The following SLC12A8 variants were observed in gnomAD, a reference collection of about 807,000 sequenced individuals.
The protein encoded by SLC12A8 is cation-chloride cotransporter 9.
In SLC12A8, 69 loss-of-function variants were observed where a neutral mutation model predicts 75.6. The ratio of observed to expected loss-of-function variants is 0.91; its 90% CI spans 0.75 to 1.11. SLC12A8 has a LOEUF of 1.11. Among genes scored for constraint, SLC12A8 ranks in the 50% most tolerant of loss-of-function variants. The pLI is 0.00. For synonymous variants in SLC12A8, 365 were observed against 372.8 expected, an observed-to-expected ratio of 0.98 and a Z score of 0.24; for missense variants, 877 against 896.7, an observed-to-expected ratio of 0.98 and a Z score of 0.28.
intron 5 of SLC12A8, among the ~76,000 whole-genome samples, chr3:125,150,460 C>T (rs991007583): frequency 6.6e-6 from 1 of 152,180 alleles, no homozygotes; most frequent in African/African-American, 2.4e-5. Context: ...ATCCCATATA[C>T]GTAGTAGTTT....
intron 6 of SLC12A8, 27 bp downstream of exon 6, chr3:125,135,642 A>G (rs765036177): frequency 1.4e-6 from 2 of 1,470,062 alleles, no homozygotes; most frequent in Non-Finnish European, 1.9e-6. Context: ...CTAATTTGAG[A>G]GTAAAAAAGA....
chr3:125,166,085 C>T (rs994102946), intron 5 of SLC12A8, among the ~76,000 whole-genome samples: 1 of 152,156 alleles, frequency 6.6e-6, no homozygotes, highest in Non-Finnish European at 1.5e-5. Flanking sequence ...CCAAGCGTTT[C>T]GCCCAGCCCA....
chr3:125,176,991 T>G (rs1018942425), intron 5 of SLC12A8, among the ~76,000 whole-genome samples: 2 of 151,870 alleles, frequency 1.3e-5, no homozygotes, highest in East Asian at 1.9e-4. Flanking sequence ...ACCCAAAGGA[T>G]TATAAATCAT....
intron 6 of SLC12A8, among the ~76,000 whole-genome samples, chr3:125,128,431 C>T (rs548406010): frequency 7.7e-4 from 114 of 148,582 alleles, no homozygotes; most frequent in African/African-American, 1.9e-3. Flanking sequence ...CCGCCCGCCT[C>T]GGCCTCCCAA....
intron 5 of SLC12A8, 83 bp from the exon 6 acceptor site, chr3:125,135,865 T>C: frequency 1.3e-6 from 1 of 771,598 alleles, no homozygotes; most frequent in Non-Finnish European, 2.1e-6. Context: ...CTATTTCATA[T>C]ATCGCTTTAA....
At chr3:125,212,477 G>A (rs753173041) in intron 1 of SLC12A8, among the ~76,000 whole-genome samples, 1 of 152,154 alleles carries the variant, frequency 6.6e-6, no homozygotes, top group African/African-American at 2.4e-5. Context: ...GGGCCACGCT[G>A]GGACCCGGGC....
At chr3:125,121,449 A>G (rs1264232295) in intron 6 of SLC12A8, among the ~76,000 whole-genome samples, 1 of 152,118 alleles carries the variant, frequency 6.6e-6, no homozygotes, top group African/African-American at 2.4e-5. Context: ...GTCAGGAAAG[A>G]CCCGTGGAGG....
intron 6 of SLC12A8, 87 bp downstream of exon 6, chr3:125,135,582 A>C: frequency 1.4e-6 from 1 of 720,836 alleles, no homozygotes; most frequent in Non-Finnish European, 2.2e-6. Context: ...TACCAAGAGT[A>C]CCTGCAGGCC....
chr3:125,151,983 T>C (rs1316018538), intron 5 of SLC12A8, among the ~76,000 whole-genome samples: 2 of 152,190 alleles, frequency 1.3e-5, no homozygotes, highest in African/African-American at 4.8e-5. Context: ...AAACTGACGC[T>C]TAGGTGATTT....
intron 1 of SLC12A8, among the ~76,000 whole-genome samples, chr3:125,211,782 G>T (rs1319861562): frequency 2.0e-5 from 3 of 152,192 alleles, no homozygotes; most frequent in African/African-American, 7.2e-5. Context: ...GCATCATGAC[G>T]CACTAGACCT....
At chr3:125,185,555 C>G (rs968244770) in intron 4 of SLC12A8, among the ~76,000 whole-genome samples, 2 of 152,076 alleles carry the variant, frequency 1.3e-5, no homozygotes, top group Admixed American at 6.5e-5. Flanking sequence ...AGAATTAACA[C>G]CAACCCTTCA....
chr3:125,141,887 G>T (rs1933649102), intron 5 of SLC12A8, among the ~76,000 whole-genome samples: 1 of 152,124 alleles, frequency 6.6e-6, no homozygotes, highest in Non-Finnish European at 1.5e-5. Context: ...GGCTCGGAGG[G>T]CGCAGGAAGA....
At chr3:125,119,088 A>AAG (rs1398554698) in intron 7 of SLC12A8, 2 of 382,828 alleles carry the variant, frequency 5.2e-6, no homozygotes, top group Admixed American at 4.1e-5. Flanking sequence ...TTTACTTTTA[A>AAG]ATATATATAA....
intron 2 of SLC12A8, among the ~76,000 whole-genome samples, chr3:125,208,489 A>G (rs1021883025): frequency 6.6e-6 from 1 of 152,204 alleles, no homozygotes; most frequent in Admixed American, 6.6e-5. Flanking sequence ...AATGCTGACC[A>G]GGAACCAAGC....
intron 5 of SLC12A8, among the ~76,000 whole-genome samples, chr3:125,142,484 G>A (rs1238167097): frequency 6.6e-6 from 1 of 152,146 alleles, no homozygotes; most frequent in Non-Finnish European, 1.5e-5. Flanking sequence ...ATCCTCCCTC[G>A]GCGTGAAGCA....
intron 2 of SLC12A8, among the ~76,000 whole-genome samples, chr3:125,207,027 C>T (rs1348454162): frequency 6.6e-6 from 1 of 152,134 alleles, no homozygotes; most frequent in African/African-American, 2.4e-5. Flanking sequence ...AGATACAAAC[C>T]ATGAGAGAGC....
chr3:125,169,623 T>C (rs1436455706), intron 5 of SLC12A8, among the ~76,000 whole-genome samples: 2 of 152,126 alleles, frequency 1.3e-5, no homozygotes, highest in Non-Finnish European at 2.9e-5. Flanking sequence ...TTTGCCCACC[T>C]CCACTCTGCT....
intron 5 of SLC12A8, among the ~76,000 whole-genome samples, chr3:125,150,385 C>T (rs1030032594): frequency 1.3e-5 from 2 of 152,084 alleles, no homozygotes; most frequent in East Asian, 1.9e-4. Context: ...CAGTAAGGGG[C>T]CTGTCAAAGA....
chr3:125,150,942 G>T (rs534491243), intron 5 of SLC12A8, among the ~76,000 whole-genome samples: 1 of 151,996 alleles, frequency 6.6e-6, no homozygotes, highest in African/African-American at 2.4e-5. Flanking sequence ...CCAGATTCCC[G>T]GGCCTCAGGC....
Sources: allele counts gnomAD v4.1 joint callset (sites outside exome capture counted in the v4.1 genomes callset), GRCh38; gene constraint gnomAD v4.1.1; transcripts MANE v1.5; gene names NCBI Gene and HGNC (gene_info 2026-07-23, HGNC 2026-07-21).